ARHGAP26: variants seen among roughly 807,000 people sequenced by gnomAD.
ARHGAP26 encodes the protein rho GTPase-activating protein 26.
ARHGAP26 carries 38 observed loss-of-function variants against 104.8 expected under a neutral mutation model. That is an observed-to-expected ratio of 0.36 (90% CI 0.28 to 0.48). The LOEUF (loss-of-function observed/expected upper bound fraction) is 0.48. Among genes scored for constraint, ARHGAP26 ranks in the 20% least tolerant of loss-of-function variants. The probability of loss-of-function intolerance (pLI) is 0.99; values close to 1 mark genes in which losing one functional copy is unlikely to be tolerated. For missense variants in ARHGAP26, 704 were observed against 947.9 expected (o/e 0.74, Z 3.38); for synonymous variants, 341 against 340.0 (o/e 1.00, Z -0.03).
At chr5:143,095,092 C>A (rs2150563432) in intron 17 of ARHGAP26, among the ~76,000 whole-genome samples, 1 of 151,448 alleles carries the variant, frequency 6.6e-6, no homozygotes, top group East Asian at 1.9e-4. Context: ...CTTATGGGTT[C>A]TAAGATAATA....
At chr5:142,801,639 G>A (rs1455810859) in intron 1 of ARHGAP26, among the ~76,000 whole-genome samples, 2 of 151,528 alleles carry the variant, frequency 1.3e-5, no homozygotes, top group South Asian at 4.2e-4. Flanking sequence ...CTGTTACCAA[G>A]GAGATGGATT....
intron 1 of ARHGAP26, among the ~76,000 whole-genome samples, chr5:142,809,536 G>A (rs1269537541): frequency 6.6e-6 from 1 of 152,226 alleles, no homozygotes; most frequent in East Asian, 1.9e-4. Context: ...AGTGAGTCCC[G>A]GTGGTTCAGG....
intron 11 of ARHGAP26, among the ~76,000 whole-genome samples, chr5:142,980,047 A>G (rs750665241): frequency 2.0e-5 from 3 of 152,182 alleles, no homozygotes; most frequent in Non-Finnish European, 4.4e-5. Flanking sequence ...CACTCAGTCA[A>G]TACCTTCCTC....
chr5:142,772,947 A>G (rs1278663683), intron 1 of ARHGAP26: 1 of 530,020 alleles, frequency 1.9e-6, no homozygotes, highest in Non-Finnish European at 3.9e-6. Context: ...TTGAAGTGTT[A>G]TTTAAGCTGT....
intron 11 of ARHGAP26, among the ~76,000 whole-genome samples, chr5:143,004,017 CAAAAAAAAAAA>C (rs144058530): frequency 8.5e-6 from 1 of 118,176 alleles, no homozygotes; most frequent in African/African-American, 3.7e-5. Flanking sequence ...AATTTATAGA[CAAAAAAAAAAA>C]AAAAAAAAAA....
At chr5:142,974,446 C>CTGTA (rs1284036480) in intron 11 of ARHGAP26, among the ~76,000 whole-genome samples, 1 of 151,934 alleles carries the variant, frequency 6.6e-6, no homozygotes, top group African/African-American at 2.4e-5. Context: ...AGGCAATGGC[C>CTGTA]CTCTTTACAT....
intron 1 of ARHGAP26, among the ~76,000 whole-genome samples, chr5:142,821,752 C>G (rs1376496923): frequency 6.6e-6 from 1 of 152,156 alleles, no homozygotes; most frequent in Non-Finnish European, 1.5e-5. Context: ...AGTGCCAACT[C>G]TGTGTAGGAG....
intron 1 of ARHGAP26, among the ~76,000 whole-genome samples, chr5:142,824,854 A>G (rs1766914581): frequency 6.6e-6 from 1 of 152,254 alleles, no homozygotes; most frequent in Non-Finnish European, 1.5e-5. Context: ...TGCAGGAACT[A>G]TGTTTCAGGA....
intron 1 of ARHGAP26, among the ~76,000 whole-genome samples, chr5:142,780,821 T>C (rs1340268463): frequency 6.6e-6 from 1 of 152,182 alleles, no homozygotes; most frequent in Non-Finnish European, 1.5e-5. Context: ...ACACGTTGCC[T>C]ATCATAGAAG....
chr5:143,154,694 G>A (rs1800263955), intron 20 of ARHGAP26, among the ~76,000 whole-genome samples: 1 of 152,118 alleles, frequency 6.6e-6, no homozygotes, highest in Admixed American at 6.5e-5. Context: ...CTTAAAGCAA[G>A]ACCAGCTAGG....
At chr5:143,212,831 T>G (rs1809709289) in intron 21 of ARHGAP26, among the ~76,000 whole-genome samples, 1 of 152,168 alleles carries the variant, frequency 6.6e-6, no homozygotes, top group Non-Finnish European at 1.5e-5. Flanking sequence ...ACGTTGGAAT[T>G]ACTTGGAGAG....
chr5:142,842,279 T>C (rs1206365151), intron 1 of ARHGAP26, among the ~76,000 whole-genome samples: 1 of 152,228 alleles, frequency 6.6e-6, no homozygotes, highest in East Asian at 1.9e-4. Context: ...TTTTTTTGTG[T>C]TCTGAAGCGG....
At chr5:142,989,388 C>T (rs879076471) in intron 11 of ARHGAP26, among the ~76,000 whole-genome samples, 6 of 151,462 alleles carry the variant, frequency 4.0e-5, no homozygotes, top group African/African-American at 1.5e-4. Flanking sequence ...TGTGATGGGT[C>T]TCCTGAATAC....
intron 8 of ARHGAP26, among the ~76,000 whole-genome samples, chr5:142,905,821 A>G (rs1288594005): frequency 6.6e-6 from 1 of 152,160 alleles, no homozygotes; most frequent in Non-Finnish European, 1.5e-5. Context: ...CTCTTGCACC[A>G]ACCTAATATC....
intron 13 of ARHGAP26, among the ~76,000 whole-genome samples, chr5:143,039,310 C>T (rs966322542): frequency 5.3e-5 from 8 of 151,518 alleles, no homozygotes; most frequent in East Asian, 2.0e-4. Flanking sequence ...CAGGTTCAAG[C>T]GATTCTCCTA....
At chr5:142,945,312 A>G (rs904437494) in intron 11 of ARHGAP26, among the ~76,000 whole-genome samples, 1 of 152,200 alleles carries the variant, frequency 6.6e-6, no homozygotes, top group African/African-American at 2.4e-5. Flanking sequence ...GAGATGGAAG[A>G]TGCCTGCCAC....
At chr5:142,959,877 C>T (rs921292226) in intron 11 of ARHGAP26, among the ~76,000 whole-genome samples, 3 of 152,244 alleles carry the variant, frequency 2.0e-5, no homozygotes, top group Non-Finnish European at 2.9e-5. Context: ...TCTGACAAGT[C>T]TGGTGGCCAA....
At chr5:142,912,998 A>G (rs970205949) in intron 9 of ARHGAP26, among the ~76,000 whole-genome samples, 1 of 152,222 alleles carries the variant, frequency 6.6e-6, no homozygotes, top group Non-Finnish European at 1.5e-5. Flanking sequence ...GTTTGGGTCC[A>G]AGTCTAACAT....
At chr5:142,993,788 G>T (rs1287182107) in intron 11 of ARHGAP26, among the ~76,000 whole-genome samples, 3 of 151,692 alleles carry the variant, frequency 2.0e-5, no homozygotes, top group Non-Finnish European at 4.4e-5. Context: ...TAGGACTACA[G>T]GTGCATGCCA....
Sources: allele counts gnomAD v4.1 joint callset (sites outside exome capture counted in the v4.1 genomes callset), GRCh38; gene constraint gnomAD v4.1.1; transcripts MANE v1.5; gene names NCBI Gene and HGNC (gene_info 2026-07-23, HGNC 2026-07-21).